REXO5: variants seen among roughly 807,000 people sequenced by gnomAD.
The protein encoded by REXO5 is RNA exonuclease 5.
A neutral mutation model predicts 88.5 loss-of-function variants in REXO5; 48 were observed. The ratio of observed to expected loss-of-function variants is 0.54; its 90% CI spans 0.43 to 0.69. The LOEUF is 0.69. Ranked by LOEUF, REXO5 falls within the 30% of genes least tolerant of loss-of-function variation. REXO5 has a pLI of 0.00. For synonymous variants in REXO5, 311 were observed against 336.5 expected (o/e 0.92, Z 0.83); for missense variants, 749 against 912.2 (o/e 0.82, Z 2.30).
chr16:20,842,934 G>A (rs2081552667), intron 15 of REXO5, among the ~76,000 whole-genome samples: 2 of 152,118 alleles, frequency 1.3e-5, no homozygotes, highest in South Asian at 4.1e-4. Context: ...TTTCCACAGT[G>A]GCTATACCAT....
chr16:20,842,020 C>T (rs777283794), intron 15 of REXO5, among the ~76,000 whole-genome samples: 1 of 152,106 alleles, frequency 6.6e-6, no homozygotes, highest in Non-Finnish European at 1.5e-5. Context: ...TTTCTCTTGG[C>T]CCCTTTTTTT....
intron 13 of REXO5, among the ~76,000 whole-genome samples, chr16:20,838,189 G>GT (rs1423452201): frequency 6.6e-6 from 1 of 152,050 alleles, no homozygotes; most frequent in African/African-American, 2.4e-5. Context: ...CCTCAGTGCA[G>GT]TTTTTTCTTC....
At chr16:20,819,457 T>C (rs1200743958) in intron 5 of REXO5, among the ~76,000 whole-genome samples, 1 of 149,782 alleles carries the variant, frequency 6.7e-6, no homozygotes, top group Non-Finnish European at 1.5e-5. Flanking sequence ...CTTTTTTTTT[T>C]TTTTTTTTTA....
At chr16:20,836,378 T>C (rs1176289239) in intron 13 of REXO5, among the ~76,000 whole-genome samples, 6 of 152,220 alleles carry the variant, frequency 3.9e-5, no homozygotes, top group African/African-American at 1.2e-4. Flanking sequence ...TGGAATCATA[T>C]AGTATATAGC....
intron 5 of REXO5, among the ~76,000 whole-genome samples, chr16:20,819,783 G>A (rs1014627809): frequency 1.8e-4 from 27 of 151,874 alleles, no homozygotes; most frequent in African/African-American, 6.1e-4. Context: ...TTAGAGTCAG[G>A]ATCTCCCTCT....
chr16:20,827,547 C>A, intron 10 of REXO5, 100 bp downstream of exon 10: 2 of 828,126 alleles, frequency 2.4e-6, no homozygotes, highest in South Asian at 3.3e-5. Flanking sequence ...AGGGTTTCTG[C>A]TCTCTTTGCT....
chr16:20,843,971 C>T lies in REXO5; in HGVS notation c.1664C>T (p.Ala555Val). The T allele has an allele frequency of 1.2e-6, 2 of 1,608,730 alleles. No individual in the cohort carries two copies. The highest frequency in any genetic ancestry group is 1.7e-6 in the Non-Finnish European group (2 of 1,175,088). ...LCIQYEVLEA[A>V]QLAIESLDGI... Reference sequence around the variant, plus strand: ...ATACAGTATGAAGTCCTAGAAGCTGCCCAGCTGGCCATAGAATCCTTGGAT... The same window carrying T: ...ATACAGTATGAAGTCCTAGAAGCTGTCCAGCTGGCCATAGAATCCTTGGAT... The change falls in exon 16 of 20, where the codon GCC becomes GTC. Residue 555 changes from alanine to valine, a missense_variant. Physicochemically the swap from Ala to Val is moderately conservative, Grantham distance 64. Coordinates refer to ENST00000261377, the MANE Select transcript of REXO5 (RefSeq NM_030941.3).
In REXO5 at chr16:20,816,097, C is replaced by T; in HGVS notation, c.379-19C>T. Reference sequence around the variant, plus strand: ...GCTGTTTTCAACCATTTTTGTAAAACCTGTTAATATATTTTCAGAAATTCC... The same window carrying T: ...GCTGTTTTCAACCATTTTTGTAAAATCTGTTAATATATTTTCAGAAATTCC... On this transcript the variant is annotated intron_variant, in intron 4 of 19. Coordinates refer to ENST00000261377, the MANE Select transcript of REXO5 (RefSeq NM_030941.3). The T allele has an allele frequency of 6.2e-7, 1 of 1,606,318 alleles. No individual in the cohort carries two copies. Among genetic ancestry groups the T allele is most frequent in the Non-Finnish European group, 8.5e-7 (1 of 1,173,668 alleles).
At chr16:20,848,004 A>C (rs2081636503) in intron 19 of REXO5, among the ~76,000 whole-genome samples, 1 of 152,228 alleles carries the variant, frequency 6.6e-6, no homozygotes, top group Non-Finnish European at 1.5e-5. Flanking sequence ...AAAGGTCCTA[A>C]GTTTGACAAG....
At chr16:20,848,136 T>C (rs1052476090) in intron 19 of REXO5, among the ~76,000 whole-genome samples, 20 of 152,194 alleles carry the variant, frequency 1.3e-4, no homozygotes, top group African/African-American at 4.8e-4. Context: ...TCAGCAGCAG[T>C]AGCATGCATT....
At chr16:20,809,049 G>A (rs2080957814) in intron 2 of REXO5, among the ~76,000 whole-genome samples, 1 of 151,702 alleles carries the variant, frequency 6.6e-6, no homozygotes, top group South Asian at 2.1e-4. Context: ...TATTAAAGTG[G>A]GATTCCAGTT....
At chr16:20,810,887 C>A (rs1405236744) in intron 2 of REXO5, among the ~76,000 whole-genome samples, 1 of 152,170 alleles carries the variant, frequency 6.6e-6, no homozygotes, top group African/African-American at 2.4e-5. Context: ...CACCCTCATC[C>A]TATGACAGGT....
Position 20,824,425 on chromosome 16 carries a change from C to T in REXO5, c.617-14C>T, listed in dbSNP as rs201109048. 2.7e-5 allele frequency: 41 copies of T among 1,494,232 alleles called. No homozygotes were observed. Among genetic ancestry groups the T allele is most frequent in the Non-Finnish European group, 3.7e-5 (40 of 1,074,472 alleles). The allele number at this position is 1,494,232 out of a possible 1,614,324, so 92.6% of individuals were successfully genotyped here. ...CTATTCTAAAGGCAAACATTTTCTTCCTTTTTCTCCTAGGTTTTCCTGATT... is the reference window on the plus strand; with the variant it reads ...CTATTCTAAAGGCAAACATTTTCTTTCTTTTTCTCCTAGGTTTTCCTGATT... On this transcript the variant is annotated splice_polypyrimidine_tract_variant and intron_variant, in intron 6 of 19. Coordinates refer to ENST00000261377, the MANE Select transcript of REXO5 (RefSeq NM_030941.3).
At chr16:20,808,182 A>G (rs1483366226) in intron 2 of REXO5, among the ~76,000 whole-genome samples, 1 of 152,178 alleles carries the variant, frequency 6.6e-6, no homozygotes, top group Non-Finnish European at 1.5e-5. Context: ...CAGTGGAAAG[A>G]TTATCTAACA....
At chr16:20,837,086 C>G (rs2081442890) in intron 13 of REXO5, among the ~76,000 whole-genome samples, 1 of 152,090 alleles carries the variant, frequency 6.6e-6, no homozygotes, top group Admixed American at 6.6e-5. Context: ...TTCTCATTCT[C>G]TTTATCGTAT....
At chr16:20,847,270 A>C (rs1567414308) in intron 19 of REXO5, among the ~76,000 whole-genome samples, 4 of 87,890 alleles carry the variant, frequency 4.6e-5, no homozygotes, top group Non-Finnish European at 1.2e-4. Context: ...ACAAAAAAAA[A>C]AACAAAAAAA....
intron 3 of REXO5, 50 bp downstream of exon 3, chr16:20,813,352 T>C (rs371524930): frequency 6.9e-4 from 644 of 929,200 alleles, no homozygotes; most frequent in Non-Finnish European, 9.3e-4. Context: ...TTCTTTTTTT[T>C]TTTTTTTTTT....
chr16:20,849,356 A>G (rs763578770), intron 19 of REXO5, 43 bp from the exon 20 acceptor site: 2 of 1,561,182 alleles, frequency 1.3e-6, no homozygotes, highest in Non-Finnish European at 1.8e-6. Context: ...CATTCATTCA[A>G]CCTTATGGAT....
At position 20,821,795 on chromosome 16, in the gene REXO5, A is replaced by T. The variant is rs1423471660; in HGVS notation, c.509A>T (p.Asn170Ile). Reference protein sequence around the residue: ...PLPSNAKAAINLQDDPIIQKY... With the variant: ...PLPSNAKAAIILQDDPIIQKY... ...CCTTCTAATGCAAAAGCCGCCATCA[A>T]CCTTCAGGATGATCCCATCATTCAA... The change falls in exon 6 of 20, where the codon AAC becomes ATC. Residue 170 changes from asparagine to isoleucine, a missense_variant. Coordinates refer to ENST00000261377, the MANE Select transcript of REXO5 (RefSeq NM_030941.3). The T allele has an allele frequency of 1.0e-5, 16 of 1,599,056 alleles. No individual in the cohort carries two copies. In the East Asian group the frequency reaches 2.0e-4, roughly 20 times the overall value.
Sources: allele counts gnomAD v4.1 joint callset (sites outside exome capture counted in the v4.1 genomes callset), GRCh38; gene constraint gnomAD v4.1.1; transcripts MANE v1.5; gene names NCBI Gene and HGNC (gene_info 2026-07-23, HGNC 2026-07-21).